Variants in TREM1 observed in about 807,000 individuals in gnomAD.
TREM1 encodes the protein triggering receptor expressed on monocytes 1.
Under a neutral mutation model 22.4 loss-of-function variants are expected in TREM1, and 16 were observed. The observed-to-expected ratio is 0.71, with a 90% confidence interval of 0.48 to 1.08. The LOEUF (loss-of-function observed/expected upper bound fraction) is 1.08. TREM1 is among the 50% of genes least tolerant of loss of function. TREM1 has a pLI of 0.00. For synonymous variants in TREM1, 110 were observed against 111.6 expected (o/e 0.99, Z 0.09); for missense variants, 283 against 282.9 (o/e 1.00, Z 0.00).
At position 41,275,349 on chromosome 6, in the gene TREM1, T is replaced by C. The variant is rs1767626628; in HGVS notation, c.*776A>G. The stretch of plus-strand genomic sequence containing the variant: ...GTCCTTCAGGTAAGGAGCGCTTCAG[T>C]TTTCACTCCTGCCAGTGGGCAGTGG... On this transcript the variant is annotated 3_prime_UTR_variant, in exon 4 of 4. Coordinates refer to ENST00000244709, the MANE Select transcript of TREM1 (RefSeq NM_018643.5). 1 of 152,158 alleles carries C rather than the reference T, an allele frequency of 6.6e-6. No individual in the cohort carries two copies. The highest frequency in any genetic ancestry group is 2.1e-4 in the South Asian group (1 of 4,826). The allele number at this position is 152,158 out of a possible 1,614,324, so 9.4% of individuals were successfully genotyped here. A position where few individuals can be genotyped will look rare whatever the true frequency, so the allele number is the denominator to read the frequency against.
chr6:41,279,407 G>T, intron 3 of TREM1: 1 of 442,896 alleles, frequency 2.3e-6, no homozygotes, highest in Non-Finnish European at 3.0e-6. Flanking sequence ...TGATTAAAAG[G>T]CCCAGAACCT....
At chr6:41,283,209 G>C (rs1768009096) in intron 1 of TREM1, among the ~76,000 whole-genome samples, 1 of 152,226 alleles carries the variant, frequency 6.6e-6, no homozygotes, top group Non-Finnish European at 1.5e-5. Context: ...AGGGCAAGGA[G>C]ATCAGCTCAA....
At chr6:41,283,717 A>ACACACACAC (rs576199081) in intron 1 of TREM1, among the ~76,000 whole-genome samples, 2,670 of 123,726 alleles carry the variant, frequency 0.022, 75 homozygotes, top group African/African-American at 0.078. Flanking sequence ...GTTAAAAAAA[A>ACACACACAC]AAACACACAC....
intron 3 of TREM1, chr6:41,280,706 C>T: frequency 7.0e-7 from 1 of 1,426,276 alleles, no homozygotes; most frequent in East Asian, 2.5e-5. Flanking sequence ...GATGCCATTT[C>T]CCTCTCTTTA....
downstream of TREM1, among the ~76,000 whole-genome samples, chr6:41,268,941 G>T (rs1582133299): frequency 2.0e-5 from 3 of 152,070 alleles, no homozygotes; most frequent in South Asian, 6.2e-4. Context: ...CTATTACATG[G>T]GTTCAGTAGA....
At chr6:41,282,859 CAGAT>C in intron 1 of TREM1, 108 bp from the exon 2 acceptor site, 1 of 1,026,242 alleles carries the variant, frequency 9.7e-7, no homozygotes. Flanking sequence ...ACCCATATTT[CAGAT>C]GAGGTTCTTG....
At chr6:41,279,512 A>AG (rs1767811849) in intron 3 of TREM1, 3 of 978,532 alleles carry the variant, frequency 3.1e-6, no homozygotes, top group South Asian at 4.7e-5. Context: ...ATGAAAGTAG[A>AG]GGAAAAAAAA....
downstream of TREM1, among the ~76,000 whole-genome samples, chr6:41,269,375 G>A (rs750623290): frequency 2.0e-5 from 3 of 152,168 alleles, no homozygotes; most frequent in Non-Finnish European, 2.9e-5. Flanking sequence ...TTGACCAAAC[G>A]GGGCCCATTT....
intron 3 of TREM1, chr6:41,280,491 T>C: frequency 3.2e-5 from 33 of 1,025,876 alleles, no homozygotes; most frequent in Non-Finnish European, 3.9e-5. Flanking sequence ...TGAGAGTTAT[T>C]AGGTGGACAA....
downstream of TREM1, among the ~76,000 whole-genome samples, chr6:41,273,569 A>G (rs1767550877): frequency 6.6e-6 from 1 of 152,258 alleles, no homozygotes; most frequent in African/African-American, 2.4e-5. Context: ...CTATTGTATC[A>G]GTCAAGATAA....
chr6:41,276,029 T>C lies in TREM1; in HGVS notation c.*96A>G, dbSNP rs994938143. The C allele has an allele frequency of 6.6e-5, 59 of 888,540 alleles. No individual in the cohort carries two copies. The Admixed American group carries it at 1.1e-3, about 16-fold the overall frequency. The allele number at this position is 888,540 out of a possible 1,614,324, so 55.0% of individuals were successfully genotyped here. On this transcript the variant is annotated 3_prime_UTR_variant, in exon 4 of 4. Transcript: ENST00000244709. Reference sequence around the variant, plus strand: ...GTGATTACAGATTTAATTCATGTTATTAACTCCCTGCCTTTTACCTCCTCC... The same window carrying C: ...GTGATTACAGATTTAATTCATGTTACTAACTCCCTGCCTTTTACCTCCTCC...
At chr6:41,282,320 AG>A in intron 2 of TREM1, 74 bp downstream of exon 2, 1 of 1,196,166 alleles carries the variant, frequency 8.4e-7, no homozygotes, top group East Asian at 2.3e-5. Flanking sequence ...CCTGAACCCC[AG>A]CTCTGCTGAT....
rs528854071 is a variant in TREM1 at position 41,274,771 on chromosome 6, C to A, written c.*1354G>T. Among the ~76,000 whole-genome samples the A allele has an allele frequency of 2.3e-4, 35 of 152,238 alleles. No individual in the cohort carries two copies. The highest frequency in any genetic ancestry group is 2.2e-3 in the Admixed American group (34 of 15,298). ...ATGGGGAAGTCCTTATGCGATGGAGCAGTCTGGAAGCTGGACCTCCCCGTG... is the reference window on the plus strand; with the variant it reads ...ATGGGGAAGTCCTTATGCGATGGAGAAGTCTGGAAGCTGGACCTCCCCGTG... On this transcript the variant is annotated 3_prime_UTR_variant, in exon 4 of 4. Transcript: ENST00000244709.
At chr6:41,279,599 A>C (rs1373681723) in intron 3 of TREM1, 10 of 985,246 alleles carry the variant, frequency 1.0e-5, no homozygotes, top group Non-Finnish European at 1.2e-5. Flanking sequence ...CAAACAACAT[A>C]ATGGGGAAAA....
intron 1 of TREM1, among the ~76,000 whole-genome samples, chr6:41,283,571 G>C (rs1017506836): frequency 2.0e-5 from 3 of 152,122 alleles, no homozygotes; most frequent in African/African-American, 7.2e-5. Context: ...AATTAGCCAG[G>C]CATGGTGGTG....
chr6:41,283,592 G>C (rs1367642126), intron 1 of TREM1, among the ~76,000 whole-genome samples: 1 of 152,068 alleles, frequency 6.6e-6, no homozygotes, highest in Non-Finnish European at 1.5e-5. Context: ...CACACCTGTA[G>C]TCCCAGATAC....
chr6:41,281,853 G>A (rs934928016), intron 2 of TREM1: 1 of 161,032 alleles, frequency 6.2e-6, no homozygotes, highest in Non-Finnish European at 1.4e-5. Flanking sequence ...CCTATCCAGT[G>A]AGTAGAGTTG....
At chr6:41,286,483 G>T in intron 1 of TREM1, 124 bp downstream of exon 1, 1 of 919,600 alleles carries the variant, frequency 1.1e-6, no homozygotes, top group Non-Finnish European at 1.7e-6. Flanking sequence ...GAGCAGCACG[G>T]TCTGCCATAA....
downstream of TREM1, among the ~76,000 whole-genome samples, chr6:41,269,335 G>A (rs1767415079): frequency 6.6e-6 from 1 of 152,120 alleles, no homozygotes; most frequent in South Asian, 2.1e-4. Context: ...TACTGCTATT[G>A]AAATTCCTGA....
Sources: allele counts gnomAD v4.1 joint callset (sites outside exome capture counted in the v4.1 genomes callset), GRCh38; gene constraint gnomAD v4.1.1; transcripts MANE v1.5; gene names NCBI Gene and HGNC (gene_info 2026-07-23, HGNC 2026-07-21).